The following GNB1L variants were observed in gnomAD, a reference collection of about 807,000 sequenced individuals.
GNB1L encodes the protein G protein subunit beta 1 like.
A neutral mutation model predicts 29.1 loss-of-function variants in GNB1L; 20 were observed. The observed-to-expected ratio is 0.69, with a 90% CI of 0.48 to 1.00. The LOEUF (loss-of-function observed/expected upper bound fraction) is 1.00, where lower values mean the gene tolerates loss of function less well. Among genes scored for constraint, GNB1L ranks in the 50% least tolerant of loss-of-function variants. The pLI, the probability that GNB1L is intolerant of heterozygous loss-of-function variation, is 0.00. For synonymous variants in GNB1L, 193 were observed against 206.5 expected (o/e 0.93, Z 0.56); for missense variants, 421 against 464.9 (o/e 0.91, Z 0.87).
At chr22:19,827,183 T>C (rs1185263430) in intron 2 of GNB1L, among the ~76,000 whole-genome samples, 1 of 152,222 alleles carries the variant, frequency 6.6e-6, no homozygotes, top group Non-Finnish European at 1.5e-5. Flanking sequence ...TAGAAGAATG[T>C]CTTTATTCCT....
chr22:19,848,061 C>T (rs1002046543), intron 2 of GNB1L: 7 of 985,312 alleles, frequency 7.1e-6, no homozygotes, highest in Non-Finnish European at 8.4e-6. Flanking sequence ...CATCTGTCCA[C>T]ATCTAAGTGC....
intron 2 of GNB1L, among the ~76,000 whole-genome samples, 199 bp from the exon 3 acceptor site, chr22:19,821,574 G>A (rs1368384631): frequency 6.6e-6 from 1 of 152,200 alleles, no homozygotes; most frequent in Non-Finnish European, 1.5e-5. Flanking sequence ...TCCCTGCACG[G>A]CGGTGAGCCC....
At chr22:19,838,108 G>A (rs914720100) in intron 2 of GNB1L, among the ~76,000 whole-genome samples, 1 of 152,238 alleles carries the variant, frequency 6.6e-6, no homozygotes, top group Non-Finnish European at 1.5e-5. Context: ...GCAGTTTATT[G>A]CATACGCAAT....
chr22:19,800,293 TG>T (rs1212170496), intron 7 of GNB1L, among the ~76,000 whole-genome samples: 3 of 152,156 alleles, frequency 2.0e-5, no homozygotes, highest in Non-Finnish European at 2.9e-5. Context: ...GGCCCCTTCC[TG>T]GGGTCCTGGG....
In GNB1L at chr22:19,851,751, A is replaced by G. The variant is rs146494789; in HGVS notation, c.-21+2692T>C. On this transcript the variant is annotated intron_variant, in intron 2 of 7. Coordinates refer to ENST00000329517, the MANE Select transcript of GNB1L (RefSeq NM_053004.3). Reference sequence around the variant, plus strand: ...ACAACTTCCTTGAGATCCTGGCAGAAGAGCTCGTAATCGTCAGGCAGGGGC... The same window carrying G: ...ACAACTTCCTTGAGATCCTGGCAGAGGAGCTCGTAATCGTCAGGCAGGGGC... The G allele has an allele frequency of 5.5e-4, 884 of 1,609,768 alleles. 1 individual carries two copies. The highest frequency in any genetic ancestry group is 3.8e-3 in the Middle Eastern group (23 of 6,046).
At chr22:19,841,417 TAAAC>T (rs1937857577) in intron 2 of GNB1L, among the ~76,000 whole-genome samples, 2 of 152,306 alleles carry the variant, frequency 1.3e-5, no homozygotes, top group Non-Finnish European at 2.9e-5. Flanking sequence ...CAAGGTGACT[TAAAC>T]AGACTTAATG....
chr22:19,794,934 T>TCCACTG (rs1330750809), intron 7 of GNB1L, among the ~76,000 whole-genome samples: 1 of 152,126 alleles, frequency 6.6e-6, no homozygotes, highest in African/African-American at 2.4e-5. Flanking sequence ...TGAGCCGAGA[T>TCCACTG]CACGCCATTG....
At chr22:19,810,199 T>A (rs1333732984) in intron 5 of GNB1L, among the ~76,000 whole-genome samples, 1 of 152,162 alleles carries the variant, frequency 6.6e-6, no homozygotes, top group Admixed American at 6.5e-5. Flanking sequence ...CACCTGTGCC[T>A]CTGTGGGGTG....
At chr22:19,837,540 C>T (rs1937786618) in intron 2 of GNB1L, among the ~76,000 whole-genome samples, 1 of 152,148 alleles carries the variant, frequency 6.6e-6, no homozygotes, top group African/African-American at 2.4e-5. Flanking sequence ...CAATAAAATG[C>T]CATTACCTAC....
intron 2 of GNB1L, among the ~76,000 whole-genome samples, chr22:19,853,632 G>C (rs1938163401): frequency 6.6e-6 from 1 of 152,084 alleles, no homozygotes; most frequent in South Asian, 2.1e-4. Context: ...CTCCCAGGGT[G>C]GCCTGCAGCA....
intron 5 of GNB1L, among the ~76,000 whole-genome samples, chr22:19,807,762 T>C (rs1284278521): frequency 6.6e-6 from 1 of 152,120 alleles, no homozygotes; most frequent in Non-Finnish European, 1.5e-5. Context: ...CCCTCTATTC[T>C]CCTGAGCCAG....
At chr22:19,843,376 A>G (rs1033567667) in intron 2 of GNB1L, among the ~76,000 whole-genome samples, 2 of 152,238 alleles carry the variant, frequency 1.3e-5, no homozygotes, top group African/African-American at 4.8e-5. Context: ...AAAGATGCAG[A>G]TCCCAGGAAG....
chr22:19,805,268 G>GT (rs1204792720), intron 6 of GNB1L, among the ~76,000 whole-genome samples: 1 of 152,248 alleles, frequency 6.6e-6, no homozygotes, highest in African/African-American at 2.4e-5. Context: ...GCTGACTGCA[G>GT]TAAGGGGCGC....
intron 5 of GNB1L, among the ~76,000 whole-genome samples, chr22:19,808,791 G>A (rs775465912): frequency 6.6e-6 from 1 of 152,232 alleles, no homozygotes; most frequent in Non-Finnish European, 1.5e-5. Context: ...CGGCCTGCAA[G>A]GACCAGAGTT....
intron 2 of GNB1L, chr22:19,850,520 G>A: frequency 9.3e-7 from 1 of 1,069,788 alleles, no homozygotes; most frequent in Non-Finnish European, 1.1e-6. Context: ...CCTGGCAAGG[G>A]GCTTGCATCC....
chr22:19,811,227 G>C (rs188695722), intron 5 of GNB1L, among the ~76,000 whole-genome samples: 43 of 152,348 alleles, frequency 2.8e-4, no homozygotes, highest in Admixed American at 1.4e-3. Flanking sequence ...GGATCTGCCT[G>C]AAGACAGAAC....
chr22:19,805,305 GAA>G (rs949080297), intron 6 of GNB1L, among the ~76,000 whole-genome samples: 10 of 152,234 alleles, frequency 6.6e-5, no homozygotes, highest in African/African-American at 2.4e-4. Context: ...TGGAGAGAGA[GAA>G]AAGCTGGGGG....
chr22:19,851,753 A>G, intron 2 of GNB1L: 2 of 1,609,634 alleles, frequency 1.2e-6, no homozygotes, highest in Admixed American at 1.7e-5. Flanking sequence ...CTGGCAGAAG[A>G]GCTCGTAATC....
chr22:19,806,819 A>C, intron 5 of GNB1L, 62 bp from the exon 6 acceptor site: 1 of 1,161,048 alleles, frequency 8.6e-7, no homozygotes, highest in Non-Finnish European at 1.3e-6. Context: ...CTATACAAAC[A>C]AGAGACTCTT....
Sources: gnomAD v4.1 joint callset for allele counts (sites outside exome capture counted in the v4.1 genomes callset) on GRCh38, gnomAD v4.1.1 for gene constraint, MANE v1.5 for transcripts, NCBI Gene and HGNC (gene_info 2026-07-23, HGNC 2026-07-21) for gene names.